The following KIF3C variants were observed in gnomAD, a reference collection of about 807,000 sequenced individuals.
KIF3C encodes kinesin family member 3C.
A neutral mutation model predicts 67.7 loss-of-function variants in KIF3C; 12 were observed. The ratio of observed to expected loss-of-function variants is 0.18; its 90% CI spans 0.11 to 0.29. The LOEUF (loss-of-function observed/expected upper bound fraction) is 0.29. KIF3C is among the 10% of genes least tolerant of loss of function. The probability of loss-of-function intolerance (pLI) is 1.00; values close to 1 mark genes in which losing one functional copy is unlikely to be tolerated. For synonymous variants in KIF3C, 393 were observed against 426.2 expected (o/e 0.92, Z 0.96); for missense variants, 789 against 1,059.6 (o/e 0.74, Z 3.55).
At position 25,951,498 on chromosome 2, in the gene KIF3C, G is replaced by A. The variant is rs145828365; in HGVS notation, c.2006+291C>T. ...CAGACCTGGCCAGATGTTAGCATTC[G>A]CTAGGATTGTCAAGAGGCTGAGATG... On this transcript the variant is annotated intron_variant, in intron 5 of 7. Coordinates refer to ENST00000264712, the MANE Select transcript of KIF3C (RefSeq NM_002254.8). 6.5e-5 allele frequency: 23 copies of A among 351,840 alleles called. No individual in the cohort carries two copies. The East Asian group carries it at 1.4e-3, about 22-fold the overall frequency. The allele number at this position is 351,840 out of a possible 1,614,324, so 21.8% of individuals were successfully genotyped here.
intron 5 of KIF3C, among the ~76,000 whole-genome samples, chr2:25,938,019 A>C (rs1265721854): frequency 1.3e-5 from 2 of 151,858 alleles, no homozygotes; most frequent in Non-Finnish European, 2.9e-5. Flanking sequence ...ATGCCACTGC[A>C]TTCCAGCCTG....
intron 5 of KIF3C, among the ~76,000 whole-genome samples, chr2:25,930,814 C>T (rs2090453146): frequency 6.6e-6 from 1 of 152,082 alleles, no homozygotes; most frequent in South Asian, 2.1e-4. Flanking sequence ...ACTGGAATTA[C>T]AGGCGTGAGC....
rs1333079768 is a variant in KIF3C at position 25,980,689 on chromosome 2, C to T, written c.1229G>A (p.Arg410His). The T allele has an allele frequency of 6.2e-6, 10 of 1,614,116 alleles. No homozygotes were observed. Among genetic ancestry groups the T allele is most frequent in the South Asian group, 4.4e-5 (4 of 91,080 alleles). The change falls in exon 1 of 8, where the codon CGC becomes CAC. Residue 410 changes from arginine (R) to histidine (H), a missense_variant. Around this residue, in one of 2 missense-constraint regions of KIF3C, gnomAD observed 648 missense variants for 807.8 expected, o/e 0.80. Transcript: ENST00000264712. This position sits in a 1 kb window ranked among gnomAD's most constrained non-coding sequence, Gnocchi z 7.6. ...LGKRPRRKSS[R>H]RKKAVSAPPG... is the part of the protein sequence containing the mutation. Reference sequence around the variant, plus strand: ...CGGGGCGGACACGGCCTTCTTCCTGCGGCTGCTCTTCCTCCGGGGCCGCTT... The same window carrying T: ...CGGGGCGGACACGGCCTTCTTCCTGTGGCTGCTCTTCCTCCGGGGCCGCTT...
chr2:25,929,846 C>T (rs2090444057), intron 6 of KIF3C, 109 bp downstream of exon 6: 1 of 764,450 alleles, frequency 1.3e-6, no homozygotes, highest in Non-Finnish European at 2.3e-6. Context: ...GAACTCCTGA[C>T]CTCAGGTGAT....
chr2:25,932,127 G>A (rs1375996809), intron 5 of KIF3C, among the ~76,000 whole-genome samples: 1 of 147,406 alleles, frequency 6.8e-6, no homozygotes. Context: ...TCAGCCTCCC[G>A]AATAGCTGGT....
chr2:25,944,347 CTTTTTTT>C (rs34983264), intron 5 of KIF3C, among the ~76,000 whole-genome samples: 2 of 134,020 alleles, frequency 1.5e-5, no homozygotes, highest in Non-Finnish European at 3.2e-5. Flanking sequence ...TCATAATTGC[CTTTTTTT>C]TTTTTTTTTT....
chr2:25,973,088 AT>A (rs570513772), intron 1 of KIF3C, among the ~76,000 whole-genome samples: 1 of 152,206 alleles, frequency 6.6e-6, no homozygotes, highest in South Asian at 2.1e-4. Flanking sequence ...AAAAAATAAC[AT>A]TTTAAACAAT....
chr2:25,961,691 T>C (rs59029073), intron 1 of KIF3C, among the ~76,000 whole-genome samples: 1,576 of 152,280 alleles, frequency 0.01, 29 homozygotes, highest in African/African-American at 0.036. Flanking sequence ...AACAAAACAT[T>C]GTACCCTCAT....
chr2:25,975,491 T>C lies in KIF3C; in HGVS notation c.1545+4882A>G, dbSNP rs1014268597. On this transcript the variant is annotated intron_variant, in intron 1 of 7. Coordinates refer to ENST00000264712, the MANE Select transcript of KIF3C (RefSeq NM_002254.8). The stretch of plus-strand genomic sequence containing the variant: ...TTGCCCAGCCTACTCCTATAATTTT[T>C]CAGCACCTCCTCAGGAACCAGTTCC... 3.9e-5 allele frequency among the ~76,000 whole-genome samples: 6 copies of C among 152,188 alleles called. No homozygotes were observed. In the East Asian group the frequency reaches 9.6e-4, roughly 24 times the overall value.
chr2:25,966,705 T>G (rs144352078), intron 1 of KIF3C, among the ~76,000 whole-genome samples: 1 of 152,160 alleles, frequency 6.6e-6, no homozygotes, highest in Non-Finnish European at 1.5e-5. Context: ...TCTGGAAAGA[T>G]AGCATCAAGT....
At position 25,981,789 on chromosome 2, in the gene KIF3C, G is replaced by A; in HGVS notation, c.129C>T (p.Thr43=). ...LTMDVKLGQV[T]LRNPRAAPGE... ...CCGGGGCGGCGCGGGGGTTCCGCAGGGTCACCTGGCCCAGTTTCACGTCCA... is the reference window on the plus strand; with the variant it reads ...CCGGGGCGGCGCGGGGGTTCCGCAGAGTCACCTGGCCCAGTTTCACGTCCA... The change falls in exon 1 of 8, where the codon ACC becomes ACT. Residue 43 remains threonine, a synonymous_variant. Transcript: ENST00000264712. This position sits in a 1 kb window ranked among gnomAD's most constrained non-coding sequence, Gnocchi z 8.2. 1 of 1,613,440 alleles carries A rather than the reference G, an allele frequency of 6.2e-7. No homozygotes were observed. Among genetic ancestry groups the A allele is most frequent in the South Asian group, 1.1e-5 (1 of 91,026 alleles).
chr2:25,958,309 G>A lies in KIF3C; in HGVS notation c.1546-1865C>T, dbSNP rs148706447. On this transcript the variant is annotated intron_variant, in intron 1 of 7. Coordinates refer to ENST00000264712, the MANE Select transcript of KIF3C (RefSeq NM_002254.8). This position sits in a 1 kb window ranked among gnomAD's most constrained non-coding sequence, Gnocchi z 4.5. ...AAAAACACAACCCTGGGCTGGGGAC[G>A]GTGGCTCATGCCCGTAATCCCAGCA... Among the ~76,000 whole-genome samples the A allele has an allele frequency of 4.6e-5, 7 of 152,258 alleles. No homozygotes were observed. Among genetic ancestry groups the A allele is most frequent in the South Asian group, 2.1e-4 (1 of 4,830 alleles).
Position 25,982,012 on chromosome 2 carries a change from G to T in KIF3C, c.-95C>A. ...GGTCGGGATCAGCGGGGCCGGCCCA[G>T]CCCCCAGGCGCAGCTCTTCAATCCG... On this transcript the variant is annotated 5_prime_UTR_variant, in exon 1 of 8. The change creates a new upstream start codon in the 5' untranslated region. Transcript: ENST00000264712. 1 of 1,012,768 alleles carries T rather than the reference G, an allele frequency of 9.9e-7. No individual in the cohort carries two copies. Among genetic ancestry groups the T allele is most frequent in the Non-Finnish European group, 1.4e-6 (1 of 711,784 alleles). 62.7% of individuals were successfully genotyped at this position (1,012,768 alleles called of 1,614,324 possible).
chr2:25,952,451 T>A (rs60275689), intron 4 of KIF3C, among the ~76,000 whole-genome samples: 68,095 of 151,716 alleles, frequency 0.45, 18,412 homozygotes, highest in East Asian at 0.88. Context: ...GTACACAAAA[T>A]TAGAAAAATG....
chr2:25,934,601 A>G (rs991262763), intron 5 of KIF3C, among the ~76,000 whole-genome samples: 1 of 152,082 alleles, frequency 6.6e-6, no homozygotes, highest in Middle Eastern at 3.4e-3. Flanking sequence ...AAAGAAAGAA[A>G]ATGTTCTGGA....
At chr2:25,951,026 G>A (rs1559552038) in intron 5 of KIF3C, among the ~76,000 whole-genome samples, 1 of 152,106 alleles carries the variant, frequency 6.6e-6, no homozygotes, top group Non-Finnish European at 1.5e-5. Flanking sequence ...GGAGACTCTT[G>A]CCCTATTTTA....
intron 4 of KIF3C, among the ~76,000 whole-genome samples, chr2:25,953,824 T>G (rs183317579): frequency 1.3e-5 from 2 of 151,892 alleles, no homozygotes; most frequent in Admixed American, 1.3e-4. Context: ...CGCGCCACCA[T>G]GCCCGGCTAA....
Position 25,955,477 on chromosome 2 carries a change from A to C in KIF3C, c.1770+64T>G. The C allele has an allele frequency of 6.3e-7, 1 of 1,583,230 alleles. No individual in the cohort carries two copies. The highest frequency in any genetic ancestry group is 8.6e-7 in the Non-Finnish European group (1 of 1,159,048). ...ATGGGGAGGAGTCCCTGAAGCACACATCCCTTGGGCAGAGACTGCTGGGCC... is the reference window on the plus strand; with the variant it reads ...ATGGGGAGGAGTCCCTGAAGCACACCTCCCTTGGGCAGAGACTGCTGGGCC... On this transcript the variant is annotated intron_variant, in intron 3 of 7. Coordinates refer to ENST00000264712, the MANE Select transcript of KIF3C (RefSeq NM_002254.8). The surrounding 1 kb of genome is among the most constrained non-coding windows in gnomAD (Gnocchi z 5.0).
chr2:25,929,396 C>G lies in KIF3C; in HGVS notation c.2197G>C (p.Asp733His), dbSNP rs1160755209. 3.1e-6 allele frequency: 5 copies of G among 1,613,988 alleles called. No individual in the cohort carries two copies. Among genetic ancestry groups the G allele is most frequent in the Non-Finnish European group, 4.2e-6 (5 of 1,179,974 alleles). Residue 733 changes from aspartate to histidine, a missense_variant, in exon 7 of 8, where the codon GAC becomes CAC. Around this residue, in one of 2 missense-constraint regions of KIF3C, gnomAD observed 648 missense variants for 807.8 expected, o/e 0.80. Transcript: ENST00000264712. ...EMEFSHDQEQ[D>H]PRALHMERLM... ...CTCTCCATGTGTAGCGCACGAGGGT[C>G]TTGTTCTTGGTCGTGAGAGAATTCC...
Sources: allele counts gnomAD v4.1 joint callset (sites outside exome capture counted in the v4.1 genomes callset), GRCh38; gene constraint gnomAD v4.1.1; regional missense constraint gnomAD v4.1.1; non-coding constraint Gnocchi (gnomAD v3.1); transcripts MANE v1.5; gene names NCBI Gene and HGNC (gene_info 2026-07-23, HGNC 2026-07-21).